ZNF235: variants seen among roughly 807,000 people sequenced by gnomAD.
ZNF235 encodes the protein zfp-93.
Under a neutral mutation model 29.4 loss-of-function variants are expected in ZNF235, and 25 were observed. The ratio of observed to expected loss-of-function variants is 0.85; its 90% CI spans 0.62 to 1.19. The LOEUF is 1.19. ZNF235 is among the 50% of genes most tolerant of loss of function. The pLI is 0.00. For missense variants in ZNF235, 788 were observed against 885.0 expected (o/e 0.89, Z 1.39); for synonymous variants, 300 against 295.3 (o/e 1.02, Z -0.16).
Position 44,304,589 on chromosome 19 carries a change from T to A in ZNF235, c.-49+382A>T, listed in dbSNP as rs182296102. 564 of 481,216 alleles carry A rather than the reference T, an allele frequency of 1.2e-3. 2 individuals are homozygous for A. Among genetic ancestry groups the A allele is most frequent in the African/African-American group, 0.011 (545 of 47,576 alleles). The allele number at this position is 481,216 out of a possible 1,614,324, so 29.8% of individuals were successfully genotyped here. ...TCCAACATTTTCCTATGCACTGGTT[T>A]TAAGCTTATTTCTATAAAACCTCAT... On this transcript the variant is annotated intron_variant, in intron 1 of 4. Transcript: ENST00000291182.
intron 4 of ZNF235, among the ~76,000 whole-genome samples, chr19:44,295,148 ATC>A (rs1975637387): frequency 1.3e-5 from 2 of 152,120 alleles, no homozygotes; most frequent in Non-Finnish European, 2.9e-5. Flanking sequence ...GTCATTTAAT[ATC>A]TCTGTTTTCT....
chr19:44,304,984 A>T lies in ZNF235; in HGVS notation c.-62T>A. ...GAGCTGACTCACCTCCCTGGGAGAT[A>T]TCTCAGATCCGACCTCGCCTTCCTG... is the stretch of plus-strand genomic sequence containing the variant. On this transcript the variant is annotated 5_prime_UTR_variant, in exon 1 of 5. Transcript: ENST00000291182. 1 of 978,104 alleles carries T rather than the reference A, an allele frequency of 1.0e-6. No homozygotes were observed. The highest frequency in any genetic ancestry group is 1.2e-6 in the Non-Finnish European group (1 of 823,236). The allele number at this position is 978,104 out of a possible 1,614,324, so 60.6% of individuals were successfully genotyped here.
At position 44,298,809 on chromosome 19, in the gene ZNF235, T is replaced by C. The variant is rs777559348; in HGVS notation, c.237A>G (p.Ser79=). 6.2e-7 allele frequency: 1 copy of C among 1,610,828 alleles called. No individual in the cohort carries two copies. The highest frequency in any genetic ancestry group is 8.5e-7 in the Non-Finnish European group (1 of 1,177,032). The change falls in exon 4 of 5, where the codon TCA becomes TCG. Residue 79 remains serine (S), a splice_region_variant and synonymous_variant. Transcript: ENST00000291182. The part of the protein sequence containing the change: ...KELQTQRGKH[S]GDRNQNEMAT... ...CGATTCCGGCTGCACAGTACTCACC[T>C]GAATGCTTACCTCTTTGGGTTTGAA...
chr19:44,296,201 T>C (rs1228098886), intron 4 of ZNF235, among the ~76,000 whole-genome samples: 3 of 152,126 alleles, frequency 2.0e-5, no homozygotes, highest in Admixed American at 6.5e-5. Flanking sequence ...ATGGGTGATA[T>C]GACATTCTCC....
At chr19:44,302,267 G>C (rs1975748943) in intron 2 of ZNF235, among the ~76,000 whole-genome samples, 1 of 152,164 alleles carries the variant, frequency 6.6e-6, no homozygotes, top group African/African-American at 2.4e-5. Flanking sequence ...AACTGCTATT[G>C]TCAATGTCCT....
chr19:44,303,527 A>T (rs1395686002), intron 1 of ZNF235, 75 bp from the exon 2 acceptor site: 22 of 1,345,280 alleles, frequency 1.6e-5, no homozygotes, highest in Non-Finnish European at 2.0e-5. Flanking sequence ...GTGACACTTC[A>T]GAGAAAGGTC....
chr19:44,300,563 G>A (rs1312341616), intron 2 of ZNF235, among the ~76,000 whole-genome samples: 1 of 152,048 alleles, frequency 6.6e-6, no homozygotes, highest in Non-Finnish European at 1.5e-5. Flanking sequence ...GTTCCAGCTG[G>A]GGGCAATGGC....
At chr19:44,303,270 C>A in intron 2 of ZNF235, 120 bp downstream of exon 2, 1 of 862,424 alleles carries the variant, frequency 1.2e-6, no homozygotes, top group Non-Finnish European at 1.9e-6. Flanking sequence ...AACAACCTGG[C>A]ATATAACAAC....
intron 4 of ZNF235, among the ~76,000 whole-genome samples, chr19:44,296,249 A>C (rs1975652836): frequency 6.6e-6 from 1 of 152,228 alleles, no homozygotes; most frequent in Non-Finnish European, 1.5e-5. Flanking sequence ...CAGGAACAGC[A>C]GAAAGTTGAT....
At chr19:44,304,717 A>T in intron 1 of ZNF235, 1 of 985,502 alleles carries the variant, frequency 1.0e-6, no homozygotes, top group Non-Finnish European at 1.2e-6. Flanking sequence ...TTTTACTGCG[A>T]GGAGCAGGCA....
At chr19:44,295,612 CAA>C (rs1385006323) in intron 4 of ZNF235, among the ~76,000 whole-genome samples, 1 of 151,868 alleles carries the variant, frequency 6.6e-6, no homozygotes, top group Non-Finnish European at 1.5e-5. Flanking sequence ...CATATGGAAC[CAA>C]AAAAGAGCCT....
intron 4 of ZNF235, among the ~76,000 whole-genome samples, chr19:44,292,218 C>A (rs971282735): frequency 6.6e-6 from 1 of 151,402 alleles, no homozygotes; most frequent in African/African-American, 2.4e-5. Flanking sequence ...AAAAAAACAA[C>A]ATAAAAGAAA....
chr19:44,288,231 G>A lies in ZNF235; in HGVS notation c.1204C>T (p.Pro402Ser). ...TTCCCACACACCTCACATTTATAAGGTTTCTCTCCAGTGTGAACTCTGCAA... is the reference window on the plus strand; with the variant it reads ...TTCCCACACACCTCACATTTATAAGATTTCTCTCCAGTGTGAACTCTGCAA... ...IHCRVHTGEK[P>S]YKCEVCGKGF... The change falls in exon 5 of 5, where the codon CCT (proline) becomes TCT (serine). Residue 402 changes from proline (P) to serine (S), a missense_variant. Pro to Ser is a moderately conservative substitution (Grantham distance 74). Coordinates refer to ENST00000291182, the MANE Select transcript of ZNF235 (RefSeq NM_004234.4). The A allele has an allele frequency of 6.2e-7, 1 of 1,614,094 alleles. No individual in the cohort carries two copies. The highest frequency in any genetic ancestry group is 8.5e-7 in the Non-Finnish European group (1 of 1,180,012).
intron 4 of ZNF235, 152 bp from the exon 5 acceptor site, chr19:44,289,348 C>T: frequency 1.5e-6 from 1 of 686,354 alleles, no homozygotes; most frequent in Non-Finnish European, 2.3e-6. Flanking sequence ...TGAAAAGCAG[C>T]TGCAACCAAG....
At position 44,304,653 on chromosome 19, in the gene ZNF235, C is replaced by T. The variant is rs572186773; in HGVS notation, c.-49+318G>A. The T allele has an allele frequency of 8.7e-6, 8 of 918,580 alleles. No homozygotes were observed. The African/African-American group carries it at 1.4e-4, about 16-fold the overall frequency. 56.9% of individuals were successfully genotyped at this position (918,580 alleles called of 1,614,324 possible). On this transcript the variant is annotated intron_variant, in intron 1 of 4. Transcript: ENST00000291182. ...GAACATCACTGGGAACGCACTAACC[C>T]TTTACAGGCACGAGGAAACTGAGAC...
intron 4 of ZNF235, among the ~76,000 whole-genome samples, chr19:44,298,051 G>A (rs1239177133): frequency 6.6e-6 from 1 of 152,122 alleles, no homozygotes; most frequent in African/African-American, 2.4e-5. Flanking sequence ...CACAGGAGGT[G>A]GAGACTGCAG....
chr19:44,296,772 T>G (rs1173634638), intron 4 of ZNF235, among the ~76,000 whole-genome samples: 1 of 152,052 alleles, frequency 6.6e-6, no homozygotes, highest in Non-Finnish European at 1.5e-5. Context: ...CCTTAATAAA[T>G]ATAAAAATAT....
chr19:44,288,003 G>A lies in ZNF235; in HGVS notation c.1432C>T (p.Gln478Ter). 6.2e-7 allele frequency: 1 copy of A among 1,613,974 alleles called. No individual in the cohort carries two copies. The highest frequency in any genetic ancestry group is 8.5e-7 in the Non-Finnish European group (1 of 1,179,990). Residue 478 changes from glutamine (Q) to a stop codon, truncating the protein, a stop_gained, in exon 5 of 5, where the codon CAA (glutamine) becomes TAA (stop). Transcript: ENST00000291182. LOFTEE classifies it high-confidence loss of function. ...FSLSFNLHSH[Q>*]RVHTGEKPYK... ...GGTTTTTCTCCTGTGTGGACTCGTT[G>A]ATGACTATGAAGATTAAAGCTCAAA... is the stretch of plus-strand genomic sequence containing the variant.
Position 44,286,631 on chromosome 19 carries a change from T to C in ZNF235, c.*587A>G, listed in dbSNP as rs1268334223. The C allele has an allele frequency of 6.6e-6, 1 of 152,404 alleles. No homozygotes were observed. Among genetic ancestry groups the C allele is most frequent in the Admixed American group, 6.5e-5 (1 of 15,286 alleles). 9.4% of individuals were successfully genotyped at this position (152,404 alleles called of 1,614,324 possible). A position where few individuals can be genotyped will look rare whatever the true frequency, so the allele number is the denominator to read the frequency against. On this transcript the variant is annotated 3_prime_UTR_variant, in exon 5 of 5. Coordinates refer to ENST00000291182, the MANE Select transcript of ZNF235 (RefSeq NM_004234.4). Reference sequence around the variant, plus strand: ...GATGGCAGTATTATATACTTTTCAGTACTTACTGAAACTAACGTTATTAAG... The same window carrying C: ...GATGGCAGTATTATATACTTTTCAGCACTTACTGAAACTAACGTTATTAAG...
Sources: allele counts gnomAD v4.1 joint callset (sites outside exome capture counted in the v4.1 genomes callset), GRCh38; gene constraint gnomAD v4.1.1; transcripts MANE v1.5; gene names NCBI Gene and HGNC (gene_info 2026-07-23, HGNC 2026-07-21).